Variants in FOXP2 observed in about 807,000 individuals in gnomAD.
The protein encoded by FOXP2 is forkhead box P2.
Under a neutral mutation model 115.8 loss-of-function variants are expected in FOXP2, and 12 were observed. The ratio of observed to expected loss-of-function variants is 0.10; its 90% CI spans 0.07 to 0.17. The LOEUF is 0.17. FOXP2 is among the 10% of genes least tolerant of loss of function. The pLI is 1.00. For synonymous variants in FOXP2, 328 were observed against 297.7 expected (o/e 1.10, Z -1.05); for missense variants, 629 against 843.5 (o/e 0.75, Z 3.15).
At chr7:114,361,929 G>T (rs1010058425) in intron 2 of FOXP2, among the ~76,000 whole-genome samples, 4 of 151,974 alleles carry the variant, frequency 2.6e-5, no homozygotes, top group African/African-American at 7.2e-5. Flanking sequence ...ATTTCTTTTA[G>T]TTACAAAGAT....
At chr7:114,103,890 C>A (rs1791048516) in intron 1 of FOXP2, among the ~76,000 whole-genome samples, 1 of 151,976 alleles carries the variant, frequency 6.6e-6, no homozygotes. Flanking sequence ...CCTTCAATCT[C>A]CCCCTTTGAA....
intron 1 of FOXP2, among the ~76,000 whole-genome samples, chr7:114,234,864 A>T (rs1421694179): frequency 1.3e-5 from 2 of 152,004 alleles, no homozygotes; most frequent in African/African-American, 2.4e-5. Flanking sequence ...AGTCTCTTCC[A>T]TACTTTTCTT....
intron 2 of FOXP2, among the ~76,000 whole-genome samples, chr7:114,361,009 A>G (rs1182234132): frequency 6.6e-6 from 1 of 152,140 alleles, no homozygotes; most frequent in Non-Finnish European, 1.5e-5. Context: ...AGTCTCATTA[A>G]CACAGTGTTG....
chr7:114,634,675 A>T (rs941522599), intron 6 of FOXP2, among the ~76,000 whole-genome samples: 3 of 152,010 alleles, frequency 2.0e-5, no homozygotes, highest in African/African-American at 7.2e-5. Flanking sequence ...GAAAGGATGG[A>T]TTTATAGTTC....
chr7:114,086,886 G>A (rs981507569), upstream of FOXP2, among the ~76,000 whole-genome samples: 1 of 152,200 alleles, frequency 6.6e-6, no homozygotes, highest in Non-Finnish European at 1.5e-5. Context: ...GGGGTGGAGA[G>A]GGGAGATTTG....
At chr7:114,574,152 A>G (rs1157805158) in intron 3 of FOXP2, among the ~76,000 whole-genome samples, 1 of 151,694 alleles carries the variant, frequency 6.6e-6, no homozygotes, top group Non-Finnish European at 1.5e-5. Context: ...AATTGTATGC[A>G]CTTATCTTTA....
chr7:114,427,084 C>G (rs1306466454), intron 2 of FOXP2, among the ~76,000 whole-genome samples: 1 of 151,638 alleles, frequency 6.6e-6, no homozygotes, highest in Non-Finnish European at 1.5e-5. Flanking sequence ...GTGAAAAGGA[C>G]CACAAGGACT....
At chr7:114,304,352 T>C (rs1796953555) in intron 2 of FOXP2, among the ~76,000 whole-genome samples, 1 of 151,684 alleles carries the variant, frequency 6.6e-6, no homozygotes, top group Non-Finnish European at 1.5e-5. Flanking sequence ...AATTATATCA[T>C]TCATTTTTAT....
At chr7:114,471,935 G>A (rs189062332) in intron 2 of FOXP2, among the ~76,000 whole-genome samples, 3 of 151,196 alleles carry the variant, frequency 2.0e-5, no homozygotes, top group Non-Finnish European at 2.9e-5. Flanking sequence ...ACTCCAGCCC[G>A]GGCAACTGAG....
intron 2 of FOXP2, among the ~76,000 whole-genome samples, chr7:114,325,270 A>G (rs1797527242): frequency 1.3e-5 from 2 of 151,890 alleles, no homozygotes; most frequent in Non-Finnish European, 3.0e-5. Context: ...TACCCAGACT[A>G]TCCAGAATGT....
At chr7:114,250,566 A>C (rs1433708221) in intron 1 of FOXP2, among the ~76,000 whole-genome samples, 2 of 152,104 alleles carry the variant, frequency 1.3e-5, no homozygotes. Flanking sequence ...GCATTTTTTC[A>C]TGTGTCTGTT....
In FOXP2 at chr7:114,693,611, T is replaced by TA; in HGVS notation, c.*3686dup. 2 of 450,134 alleles carry TA rather than the reference T, an allele frequency of 4.4e-6. No homozygotes were observed. The highest frequency in any genetic ancestry group is 8.9e-6 in the Non-Finnish European group (2 of 225,552). The allele number at this position is 450,134 out of a possible 1,614,324, so 27.9% of individuals were successfully genotyped here. A position where few individuals can be genotyped will look rare whatever the true frequency, so the allele number is the denominator to read the frequency against. On this transcript the variant is annotated 3_prime_UTR_variant, in exon 17 of 17. Coordinates refer to ENST00000350908, the MANE Select transcript of FOXP2 (RefSeq NM_014491.4). ...TTGTCCATGAACACTTGGCATATCTTACTTAGCAAAAAAGAAGGATGTACA... is the reference window on the plus strand; with the variant it reads ...TTGTCCATGAACACTTGGCATATCTTAACTTAGCAAAAAAGAAGGATGTACA...
At chr7:114,263,869 T>C (rs1461145032) in intron 1 of FOXP2, among the ~76,000 whole-genome samples, 1 of 151,966 alleles carries the variant, frequency 6.6e-6, no homozygotes, top group African/African-American at 2.4e-5. Context: ...CTTCCTCACC[T>C]ATTTGTGTCC....
chr7:114,294,876 A>C (rs1796702023), intron 2 of FOXP2, among the ~76,000 whole-genome samples: 1 of 151,910 alleles, frequency 6.6e-6, no homozygotes. Flanking sequence ...ACATACATAC[A>C]TACATACATA....
rs10624558 is a variant in FOXP2, at chr7:114,102,696, C to CCACACACACA, written c.-247+14886_-247+14895dup. Reference sequence around the variant, plus strand: ...GCTACACACATACAAACACCACACACCACACACACACACACACACACACAC... The same window carrying CCACACACACA: ...GCTACACACATACAAACACCACACACCACACACACACACACACACACACACACACACACAC... On this transcript the variant is annotated intron_variant, in intron 1 of 19. Coordinates refer to the FOXP2 transcript ENST00000635638. 3.2e-3 allele frequency among the ~76,000 whole-genome samples: 432 copies of CCACACACACA among 136,460 alleles called. 1 individual carries two copies. Among genetic ancestry groups the CCACACACACA allele is most frequent in the African/African-American group, 7.9e-3 (295 of 37,362 alleles). 89.5% of individuals were successfully genotyped at this position (136,460 alleles called of 152,430 possible). A position where few individuals can be genotyped will look rare whatever the true frequency, so the allele number is the denominator to read the frequency against.
At chr7:114,590,313 T>A (rs1802379514) in intron 3 of FOXP2, among the ~76,000 whole-genome samples, 1 of 152,182 alleles carries the variant, frequency 6.6e-6, no homozygotes, top group South Asian at 2.1e-4. Context: ...GTAATAAAAA[T>A]TTAAAGCCAT....
intron 3 of FOXP2, among the ~76,000 whole-genome samples, chr7:114,586,548 TATA>T (rs1045417345): frequency 2.3e-4 from 35 of 152,234 alleles, no homozygotes; most frequent in African/African-American, 7.9e-4. Flanking sequence ...GCATCTTATA[TATA>T]ATAATCATTT....
At chr7:114,484,162 A>G (rs1323816820) in intron 2 of FOXP2, among the ~76,000 whole-genome samples, 1 of 151,790 alleles carries the variant, frequency 6.6e-6, no homozygotes, top group East Asian at 1.9e-4. Flanking sequence ...AAACTTATCA[A>G]AGGTTGCCGA....
chr7:114,459,669 G>A (rs1795474212), intron 2 of FOXP2, among the ~76,000 whole-genome samples: 1 of 152,176 alleles, frequency 6.6e-6, no homozygotes, highest in South Asian at 2.1e-4. Context: ...AGGCTGGAAT[G>A]TAGTGGTGTG....
Sources: gnomAD v4.1 joint callset for allele counts (sites outside exome capture counted in the v4.1 genomes callset) on GRCh38, gnomAD v4.1.1 for gene constraint, MANE v1.5 for transcripts, NCBI Gene and HGNC (gene_info 2026-07-23, HGNC 2026-07-21) for gene names.